The following RFX3 variants were observed in gnomAD, a reference collection of about 807,000 sequenced individuals.
RFX3 encodes the protein regulatory factor X3, also known as transcription factor RFX3.
A neutral mutation model predicts 98.6 loss-of-function variants in RFX3; 14 were observed. That is an observed-to-expected ratio of 0.14 (90% confidence interval 0.09 to 0.22). The LOEUF (loss-of-function observed/expected upper bound fraction) is 0.22, where lower values mean the gene tolerates loss of function less well. RFX3 is among the 10% of genes least tolerant of loss of function. RFX3 has a pLI of 1.00. For missense variants in RFX3, 639 were observed against 926.9 expected, an observed-to-expected ratio of 0.69 and a Z score of 4.03; for synonymous variants, 383 against 328.4, an observed-to-expected ratio of 1.17 and a Z score of -1.80.
chr9:3,455,961 T>C (rs564490705), intron 1 of RFX3, among the ~76,000 whole-genome samples: 2 of 152,356 alleles, frequency 1.3e-5, no homozygotes, highest in South Asian at 2.1e-4. Flanking sequence ...CAAAAACTTA[T>C]ATCTGACAAT....
chr9:3,388,125 C>T (rs62526377), intron 2 of RFX3, among the ~76,000 whole-genome samples: 8,108 of 152,036 alleles, frequency 0.053, 479 homozygotes, highest in African/African-American at 0.14. Flanking sequence ...CTGGTTGTAA[C>T]GACATACTAC....
chr9:3,304,327 CTTTTT>C (rs1400995163), intron 4 of RFX3, among the ~76,000 whole-genome samples: 1 of 151,796 alleles, frequency 6.6e-6, no homozygotes, highest in Non-Finnish European at 1.5e-5. Flanking sequence ...AGTTTCTTTT[CTTTTT>C]TAAGTACATA....
intron 1 of RFX3, among the ~76,000 whole-genome samples, chr9:3,520,031 G>A (rs1190353256): frequency 6.6e-6 from 1 of 152,110 alleles, no homozygotes; most frequent in Non-Finnish European, 1.5e-5. Flanking sequence ...GACCACGTGA[G>A]CCCAGGAGAT....
At chr9:3,493,589 C>G (rs1249423563) in intron 1 of RFX3, among the ~76,000 whole-genome samples, 1 of 149,088 alleles carries the variant, frequency 6.7e-6, no homozygotes, top group Non-Finnish European at 1.5e-5. Flanking sequence ...GAGGCTGTGG[C>G]AGGAGAATGG....
chr9:3,429,025 CTT>C (rs5896011), intron 1 of RFX3, among the ~76,000 whole-genome samples: 12 of 139,036 alleles, frequency 8.6e-5, no homozygotes, highest in Non-Finnish European at 9.3e-5. Flanking sequence ...TTTAGTTACT[CTT>C]TTTTTTTTTT....
intron 15 of RFX3, among the ~76,000 whole-genome samples, chr9:3,241,727 T>A (rs1029497524): frequency 2.6e-5 from 4 of 152,216 alleles, no homozygotes; most frequent in African/African-American, 9.6e-5. Flanking sequence ...TTGATTTAGG[T>A]CTGGTCTCAG....
intron 1 of RFX3, among the ~76,000 whole-genome samples, chr9:3,429,077 C>T (rs1373334013): frequency 6.8e-6 from 1 of 147,514 alleles, no homozygotes; most frequent in Non-Finnish European, 1.5e-5. Flanking sequence ...GGCTGGAGTG[C>T]GGTGGCGCGA....
chr9:3,384,033 C>T (rs868122673), intron 2 of RFX3, among the ~76,000 whole-genome samples: 27 of 152,110 alleles, frequency 1.8e-4, no homozygotes, highest in Admixed American at 3.9e-4. Context: ...TTTTTGATGA[C>T]CGATTCATTT....
intron 1 of RFX3, among the ~76,000 whole-genome samples, chr9:3,508,504 A>T (rs569510627): frequency 6.6e-6 from 1 of 151,986 alleles, no homozygotes; most frequent in Admixed American, 6.6e-5. Context: ...ATTCATCTGA[A>T]ACAGCGGCAT....
intron 1 of RFX3, among the ~76,000 whole-genome samples, chr9:3,505,957 G>C (rs1817048841): frequency 6.6e-6 from 1 of 151,752 alleles, no homozygotes; most frequent in African/African-American, 2.4e-5. Context: ...CTTCACAGCA[G>C]TTCACTTCTT....
intron 1 of RFX3, among the ~76,000 whole-genome samples, chr9:3,498,680 C>T (rs1851283676): frequency 6.6e-6 from 1 of 152,028 alleles, no homozygotes; most frequent in African/African-American, 2.4e-5. Flanking sequence ...AAGTCCTGTG[C>T]ACAAACAGCA....
chr9:3,345,994 C>G (rs112805823), intron 3 of RFX3, among the ~76,000 whole-genome samples: 1 of 152,108 alleles, frequency 6.6e-6, no homozygotes, highest in South Asian at 2.1e-4. Context: ...ACCGAGGAAG[C>G]CAACAGGTTG....
At chr9:3,467,192 AT>A (rs1215299477) in intron 1 of RFX3, among the ~76,000 whole-genome samples, 4 of 142,076 alleles carry the variant, frequency 2.8e-5, no homozygotes, top group Non-Finnish European at 4.5e-5. Flanking sequence ...GTATATACAT[AT>A]ATAATGTATG....
At chr9:3,312,422 T>A (rs1021851801) in intron 4 of RFX3, among the ~76,000 whole-genome samples, 5 of 152,154 alleles carry the variant, frequency 3.3e-5, no homozygotes, top group African/African-American at 1.2e-4. Flanking sequence ...AGCAGATATA[T>A]ACAGAAACAC....
intron 2 of RFX3, among the ~76,000 whole-genome samples, chr9:3,374,671 A>G (rs1838250584): frequency 6.6e-6 from 1 of 152,226 alleles, no homozygotes; most frequent in South Asian, 2.1e-4. Flanking sequence ...AAATTCATAG[A>G]AACAAAATTA....
At position 3,320,754 on chromosome 9, in the gene RFX3, T is replaced by C. The variant is rs1831182933; in HGVS notation, c.474+9505A>G. 2.3e-5 allele frequency among the ~76,000 whole-genome samples: 3 copies of C among 129,670 alleles called. No homozygotes were observed. In the South Asian group the frequency reaches 7.5e-4, roughly 32 times the overall value. 85.1% of individuals were successfully genotyped at this position (129,670 alleles called of 152,430 possible). A position where few individuals can be genotyped will look rare whatever the true frequency, so the allele number is the denominator to read the frequency against. On this transcript the variant is annotated intron_variant, in intron 4 of 16. Coordinates refer to ENST00000617270, the MANE Select transcript of RFX3 (RefSeq NM_001282116.2). ...CATATGTGCCTATATATACATATAA[T>C]GCATGCTACATAGCATATATATATA...
intron 15 of RFX3, chr9:3,247,092 CAT>C (rs1162816553): frequency 1.0e-6 from 1 of 984,754 alleles, no homozygotes; most frequent in African/African-American, 1.7e-5. Context: ...TAAAAGTGAA[CAT>C]GTCTTTTTTA....
intron 2 of RFX3, among the ~76,000 whole-genome samples, chr9:3,373,971 G>C (rs1257667841): frequency 1.3e-5 from 2 of 151,944 alleles, no homozygotes; most frequent in Non-Finnish European, 2.9e-5. Context: ...CCAGCTACTC[G>C]GGAGGCTGAA....
intron 1 of RFX3, among the ~76,000 whole-genome samples, chr9:3,508,379 A>G (rs1213359262): frequency 2.0e-5 from 3 of 151,984 alleles, no homozygotes; most frequent in Non-Finnish European, 4.4e-5. Flanking sequence ...GTCAGTATAT[A>G]TGTTGATATA....
Sources: gnomAD v4.1 joint callset for allele counts (sites outside exome capture counted in the v4.1 genomes callset) on GRCh38, gnomAD v4.1.1 for gene constraint, MANE v1.5 for transcripts, NCBI Gene and HGNC (gene_info 2026-07-23, HGNC 2026-07-21) for gene names.